Variants in QTMAN observed in about 807,000 individuals in gnomAD.
QTMAN encodes tRNA-queuosine alpha-mannosyltransferase.
chr2:144,135,319 G>A, the QTMAN span, among the ~76,000 whole-genome samples: 1 of 152,096 alleles, frequency 6.6e-6, no homozygotes, highest in Non-Finnish European at 1.5e-5. Context: ...GTGATGGGCT[G>A]GGCACTGCCC....
the QTMAN span, among the ~76,000 whole-genome samples, chr2:144,151,404 A>C: frequency 6.6e-6 from 1 of 152,082 alleles, no homozygotes; most frequent in Non-Finnish European, 1.5e-5. Flanking sequence ...ATGCATATTT[A>C]AATTACTTTT....
the QTMAN span, among the ~76,000 whole-genome samples, chr2:144,103,336 C>T: frequency 1.3e-5 from 2 of 152,322 alleles, no homozygotes; most frequent in South Asian, 2.1e-4. Context: ...CCATGTGAAA[C>T]TGACTCAAAG....
the QTMAN span, among the ~76,000 whole-genome samples, chr2:143,961,014 G>A: frequency 0.055 from 8,309 of 152,158 alleles, 309 homozygotes; most frequent in East Asian, 0.16. Context: ...TTTTACAGAT[G>A]AGTAAAGTAA....
the QTMAN span, among the ~76,000 whole-genome samples, chr2:144,098,195 G>A: frequency 6.6e-6 from 1 of 152,130 alleles, no homozygotes. Flanking sequence ...CAACCAATAC[G>A]TCAAAATTTT....
chr2:144,176,928 TG>T, the QTMAN span, among the ~76,000 whole-genome samples: 4 of 152,148 alleles, frequency 2.6e-5, no homozygotes, highest in East Asian at 5.8e-4. Context: ...GAAGCATGGC[TG>T]GGGAGGCCTC....
chr2:144,324,733 A>T, the QTMAN span, among the ~76,000 whole-genome samples: 1 of 152,298 alleles, frequency 6.6e-6, no homozygotes, highest in East Asian at 1.9e-4. Flanking sequence ...GTGAAAAGGA[A>T]GCTGGTGCAC....
the QTMAN span, among the ~76,000 whole-genome samples, chr2:144,305,751 T>A: frequency 6.6e-6 from 1 of 152,220 alleles, no homozygotes; most frequent in Non-Finnish European, 1.5e-5. Flanking sequence ...TTCTTTAATT[T>A]CTTTCAATAA....
the QTMAN span, among the ~76,000 whole-genome samples, chr2:144,181,464 G>T: frequency 6.6e-6 from 1 of 152,138 alleles, no homozygotes; most frequent in African/African-American, 2.4e-5. Context: ...ATAAAACTAA[G>T]ATCACTAATA....
chr2:144,148,532 T>A, the QTMAN span, among the ~76,000 whole-genome samples: 20 of 151,874 alleles, frequency 1.3e-4, no homozygotes, highest in Admixed American at 1.1e-3. Context: ...AAAAATTCTA[T>A]ATTCCATAAA....
At chr2:143,976,242 T>C in the QTMAN span, among the ~76,000 whole-genome samples, 9 of 152,284 alleles carry the variant, frequency 5.9e-5, no homozygotes, top group Non-Finnish European at 8.8e-5. Flanking sequence ...CTTCAGCCCA[T>C]AGTAACATTT....
chr2:144,202,878 C>G, the QTMAN span, among the ~76,000 whole-genome samples: 1 of 152,134 alleles, frequency 6.6e-6, no homozygotes, highest in African/African-American at 2.4e-5. Flanking sequence ...TTAAAAGTGT[C>G]TACTTGAAGT....
chr2:144,256,762 G>T, the QTMAN span, among the ~76,000 whole-genome samples: 2 of 152,000 alleles, frequency 1.3e-5, no homozygotes. Flanking sequence ...CCTAATGCAT[G>T]CAGGGCTTAA....
At chr2:144,191,918 T>C in the QTMAN span, among the ~76,000 whole-genome samples, 3 of 152,146 alleles carry the variant, frequency 2.0e-5, no homozygotes. Context: ...ACTAATATTG[T>C]ACAAAAATAA....
chr2:144,108,952 A>T, the QTMAN span, among the ~76,000 whole-genome samples: 2 of 152,230 alleles, frequency 1.3e-5, no homozygotes, highest in African/African-American at 4.8e-5. Flanking sequence ...GCTCATGGAT[A>T]GGAAGAATCA....
At chr2:144,005,239 GCTTTT>G in the QTMAN span, among the ~76,000 whole-genome samples, 2 of 151,934 alleles carry the variant, frequency 1.3e-5, no homozygotes, top group Non-Finnish European at 2.9e-5. Flanking sequence ...AGCATAAAGT[GCTTTT>G]CTTTTCTCTT....
the QTMAN span, among the ~76,000 whole-genome samples, chr2:144,166,258 A>C: frequency 6.6e-6 from 1 of 152,100 alleles, no homozygotes; most frequent in Non-Finnish European, 1.5e-5. Context: ...CCTTCCCTCA[A>C]ATCAACCCAA....
the QTMAN span, chr2:143,946,780 A>G: frequency 2.4e-6 from 1 of 410,572 alleles, no homozygotes; most frequent in Non-Finnish European, 4.3e-6. Context: ...TTTTTTTTGA[A>G]CAGTCTCCTA....
chr2:144,254,434 T>C, the QTMAN span, among the ~76,000 whole-genome samples: 2 of 151,928 alleles, frequency 1.3e-5, no homozygotes, highest in African/African-American at 4.8e-5. Flanking sequence ...AATAAATAAA[T>C]AAATAAAATA....
chr2:144,136,612 C>T, the QTMAN span, among the ~76,000 whole-genome samples: 3 of 151,978 alleles, frequency 2.0e-5, no homozygotes, highest in African/African-American at 7.2e-5. Flanking sequence ...GCCTTTATGA[C>T]AATTACATGA....
Sources: gnomAD v4.1 joint callset for allele counts (sites outside exome capture counted in the v4.1 genomes callset) on GRCh38, gnomAD v4.1.1 for gene constraint, MANE v1.5 for transcripts, NCBI Gene and HGNC (gene_info 2026-07-23, HGNC 2026-07-21) for gene names.